The following DGLUCY variants were observed in gnomAD, a reference collection of about 807,000 sequenced individuals.
The protein encoded by DGLUCY is D-glutamate cyclase, mitochondrial.
DGLUCY carries 58 observed loss-of-function variants against 58.5 expected under a neutral mutation model. The ratio of observed to expected loss-of-function variants is 0.99; its 90% CI spans 0.80 to 1.23. The LOEUF (loss-of-function observed/expected upper bound fraction) is 1.23. Ranked by LOEUF, DGLUCY falls within the 50% of genes most tolerant of loss-of-function variation. The pLI is 0.00. For missense variants in DGLUCY, 779 were observed against 784.7 expected, an observed-to-expected ratio of 0.99 and a Z score of 0.09; for synonymous variants, 325 against 314.1, an observed-to-expected ratio of 1.03 and a Z score of -0.37.
At chr14:91,146,998 G>A (rs1270458774) in intron 1 of DGLUCY, among the ~76,000 whole-genome samples, 1 of 152,000 alleles carries the variant, frequency 6.6e-6, no homozygotes, top group Non-Finnish European at 1.5e-5. Flanking sequence ...GAAGTCCCCT[G>A]TAGAATGGTC....
intron 1 of DGLUCY, among the ~76,000 whole-genome samples, chr14:91,088,361 A>G (rs540312511): frequency 6.4e-4 from 98 of 152,310 alleles, no homozygotes; most frequent in South Asian, 4.6e-3. Flanking sequence ...CCCCACGATT[A>G]TAAGAATACT....
intron 1 of DGLUCY, among the ~76,000 whole-genome samples, chr14:91,071,121 A>G (rs2043908481): frequency 6.6e-6 from 1 of 151,946 alleles, no homozygotes; most frequent in African/African-American, 2.4e-5. Flanking sequence ...TCACAAGGTC[A>G]GGAGATAGAG....
At chr14:91,138,671 GA>G (rs2046477165) in intron 1 of DGLUCY, among the ~76,000 whole-genome samples, 1 of 152,000 alleles carries the variant, frequency 6.6e-6, no homozygotes, top group Non-Finnish European at 1.5e-5. Flanking sequence ...AGGGAGGGGG[GA>G]AATGTCACAA....
In DGLUCY at chr14:91,182,131, C is replaced by T. The variant is rs189036743; in HGVS notation, c.934+742C>T. Among the ~76,000 whole-genome samples, 166 of 152,146 alleles carry T rather than the reference C, an allele frequency of 1.1e-3. No individual in the cohort carries two copies. The Middle Eastern group carries it at 0.017, about 16-fold the overall frequency. On this transcript the variant is annotated intron_variant, in intron 8 of 13. Coordinates refer to ENST00000256324, the MANE Select transcript of DGLUCY (RefSeq NM_001102368.3). ...GAGTAGCTAGGACTATAGGCATGTG[C>T]CACCCCACCCAGCTAATTTTTGTAT...
intron 1 of DGLUCY, among the ~76,000 whole-genome samples, chr14:91,139,055 G>A (rs1381371767): frequency 6.6e-6 from 1 of 152,172 alleles, no homozygotes; most frequent in Non-Finnish European, 1.5e-5. Context: ...TAGACAAACA[G>A]ATTTAGTATA....
chr14:91,185,964 G>A (rs551875195), intron 8 of DGLUCY, among the ~76,000 whole-genome samples: 1 of 152,236 alleles, frequency 6.6e-6, no homozygotes, highest in African/African-American at 2.4e-5. Context: ...GCAGATAGAA[G>A]ATTCATAACA....
At chr14:91,062,570 T>C (rs867433778) in intron 1 of DGLUCY, among the ~76,000 whole-genome samples, 1 of 6,974 alleles carries the variant, frequency 1.4e-4, no homozygotes. Context: ...TATATATATA[T>C]ATATATATAT....
At chr14:91,171,225 C>G (rs1352169791) in intron 5 of DGLUCY, among the ~76,000 whole-genome samples, 1 of 152,168 alleles carries the variant, frequency 6.6e-6, no homozygotes, top group Admixed American at 6.6e-5. Flanking sequence ...AGTCCCAAAG[C>G]CAGATGGGAA....
intron 1 of DGLUCY, among the ~76,000 whole-genome samples, chr14:91,120,127 T>C (rs1017110183): frequency 5.9e-5 from 9 of 152,112 alleles, no homozygotes; most frequent in African/African-American, 2.2e-4. Flanking sequence ...GTCATGTTAG[T>C]CCTGTCCCAT....
chr14:91,195,572 C>A (rs755415212), intron 9 of DGLUCY, among the ~76,000 whole-genome samples: 1 of 151,642 alleles, frequency 6.6e-6, no homozygotes, highest in Non-Finnish European at 1.5e-5. Context: ...AGCCATGAAA[C>A]TGACATATAT....
chr14:91,215,752 G>C (rs1055454670), intron 13 of DGLUCY, 196 bp downstream of exon 13: 14 of 1,441,058 alleles, frequency 9.7e-6, no homozygotes, highest in African/African-American at 2.9e-5. Context: ...TCGTGTGGCA[G>C]GCCTGATCCA....
At chr14:91,119,572 A>T (rs1005981319) in intron 1 of DGLUCY, among the ~76,000 whole-genome samples, 3 of 151,858 alleles carry the variant, frequency 2.0e-5, no homozygotes, top group African/African-American at 7.3e-5. Context: ...CACTCCCTAA[A>T]TATCCTCTGG....
chr14:91,096,672 C>T (rs1415415743), intron 1 of DGLUCY, among the ~76,000 whole-genome samples: 1 of 152,106 alleles, frequency 6.6e-6, no homozygotes. Flanking sequence ...CAGCTGAGTG[C>T]CTTCCCCTGC....
intron 1 of DGLUCY, among the ~76,000 whole-genome samples, chr14:91,074,118 T>TACACACACACACACACACACACACAC (rs3086753): frequency 5.7e-5 from 4 of 70,342 alleles, no homozygotes; most frequent in Non-Finnish European, 7.6e-5. Context: ...TATATATATA[T>TACACACACACACACACACACACACAC]ACACACACAC....
chr14:91,066,037 A>G (rs972827769), intron 1 of DGLUCY, among the ~76,000 whole-genome samples: 7 of 152,240 alleles, frequency 4.6e-5, no homozygotes, highest in African/African-American at 1.4e-4. Context: ...TATGGCCAGA[A>G]GAGTAATCAA....
At chr14:91,170,306 C>T in intron 5 of DGLUCY, 105 bp downstream of exon 5, 6 of 1,257,724 alleles carry the variant, frequency 4.8e-6, no homozygotes, top group Non-Finnish European at 1.1e-6. Flanking sequence ...GGTGGAAAAC[C>T]TAAGCTCCAG....
upstream of DGLUCY, among the ~76,000 whole-genome samples, chr14:91,103,135 A>ATG (rs2044523080): frequency 6.6e-6 from 1 of 152,004 alleles, no homozygotes; most frequent in Non-Finnish European, 1.5e-5. Context: ...GAGCAACTTA[A>ATG]TGATTGGTCC....
Position 91,160,331 on chromosome 14 carries a change from T to C in DGLUCY, c.37T>C (p.Ser13Pro), listed in dbSNP as rs147625749. ...FTLHLRSRLP[S>P]AIRSLILQKK... Reference sequence around the variant, plus strand: ...ACTCCACCTGAGGTCCCGCCTTCCCTCTGCCATAAGGAGTTTGATTCTACA... The same window carrying C: ...ACTCCACCTGAGGTCCCGCCTTCCCCCTGCCATAAGGAGTTTGATTCTACA... The change falls in exon 3 of 14, where the codon TCT (serine) becomes CCT (proline). Residue 13 changes from serine (S) to proline (P), a missense_variant. Physicochemically the swap from Ser to Pro is moderately conservative, Grantham distance 74. Coordinates refer to ENST00000256324, the MANE Select transcript of DGLUCY (RefSeq NM_001102368.3). The C allele has an allele frequency of 1.5e-4, 248 of 1,608,598 alleles. No individual in the cohort carries two copies. Among genetic ancestry groups the C allele is most frequent in the Non-Finnish European group, 2.1e-4 (242 of 1,178,556 alleles).
chr14:91,147,109 A>C (rs904656936), intron 1 of DGLUCY, among the ~76,000 whole-genome samples: 12 of 152,046 alleles, frequency 7.9e-5, no homozygotes, highest in African/African-American at 2.9e-4. Context: ...TCCTCAGGAA[A>C]CTCACTTAAG....
Sources: allele counts gnomAD v4.1 joint callset (sites outside exome capture counted in the v4.1 genomes callset), GRCh38; gene constraint gnomAD v4.1.1; transcripts MANE v1.5; gene names NCBI Gene and HGNC (gene_info 2026-07-23, HGNC 2026-07-21).